Variants in MYOF observed in about 807,000 individuals in gnomAD.
The protein encoded by MYOF is myoferlin.
MYOF carries 244 observed loss-of-function variants against 284.2 expected under a neutral mutation model. That is an observed-to-expected ratio of 0.86 (90% CI 0.77 to 0.95). The LOEUF (loss-of-function observed/expected upper bound fraction) is 0.95, where lower values mean the gene tolerates loss of function less well. Among genes scored for constraint, MYOF ranks in the 40% least tolerant of loss-of-function variants. The pLI is 0.00. For synonymous variants in MYOF, 904 were observed against 919.7 expected, an observed-to-expected ratio of 0.98 and a Z score of 0.31; for missense variants, 2,496 against 2,560.6, an observed-to-expected ratio of 0.97 and a Z score of 0.54.
At chr10:93,401,309 G>T in intron 12 of MYOF, 109 bp downstream of exon 12, 1 of 1,459,618 alleles carries the variant, frequency 6.9e-7, no homozygotes, top group East Asian at 2.3e-5. Flanking sequence ...AGCCCTTTCA[G>T]AAGAAAAACA....
At chr10:93,354,693 CTCTCTCTCTT>C (rs1418823977) in intron 31 of MYOF, among the ~76,000 whole-genome samples, 1 of 151,840 alleles carries the variant, frequency 6.6e-6, no homozygotes, top group African/African-American at 2.4e-5. Context: ...CTCTCTCTCT[CTCTCTCTCTT>C]TGTGAGATAG....
At chr10:93,399,597 G>A in intron 12 of MYOF, 102 bp from the exon 13 acceptor site, 1 of 741,918 alleles carries the variant, frequency 1.3e-6, no homozygotes, top group Non-Finnish European at 2.2e-6. Flanking sequence ...CAACAGGCTA[G>A]GCGCAGTGGC....
chr10:93,320,039 A>G, intron 48 of MYOF, 26 bp from the exon 49 acceptor site: 1 of 1,612,580 alleles, frequency 6.2e-7, no homozygotes, highest in South Asian at 1.1e-5. Flanking sequence ...AAACAGACTT[A>G]GCTTCACGTG....
At chr10:93,333,699 T>C in intron 42 of MYOF, 59 bp downstream of exon 42, 1 of 1,584,456 alleles carries the variant, frequency 6.3e-7, no homozygotes, top group Non-Finnish European at 8.6e-7. Flanking sequence ...TGACAATTAT[T>C]GTGGCTGATG....
chr10:93,420,694 C>G (rs1848322425), intron 5 of MYOF, among the ~76,000 whole-genome samples: 1 of 152,318 alleles, frequency 6.6e-6, no homozygotes, highest in South Asian at 2.1e-4. Context: ...CCTTTAAAAT[C>G]AATAGCAGAA....
intron 45 of MYOF, among the ~76,000 whole-genome samples, chr10:93,327,422 T>C (rs1371169649): frequency 6.6e-6 from 1 of 152,076 alleles, no homozygotes; most frequent in South Asian, 2.1e-4. Flanking sequence ...TATACTCTTG[T>C]GGCACAAGCT....
chr10:93,467,259 G>A (rs1370011958), intron 1 of MYOF, among the ~76,000 whole-genome samples: 1 of 151,416 alleles, frequency 6.6e-6, no homozygotes, highest in African/African-American at 2.4e-5. Flanking sequence ...TTGGTGTGCT[G>A]CACCCATTAA....
intron 32 of MYOF, among the ~76,000 whole-genome samples, chr10:93,353,042 T>C (rs1844598673): frequency 6.6e-6 from 1 of 152,134 alleles, no homozygotes; most frequent in Non-Finnish European, 1.5e-5. Flanking sequence ...AATAAAAAAG[T>C]GCAGCTCGCT....
intron 32 of MYOF, among the ~76,000 whole-genome samples, chr10:93,353,123 T>C (rs1056854286): frequency 1.3e-5 from 2 of 152,178 alleles, no homozygotes; most frequent in African/African-American, 4.8e-5. Flanking sequence ...CCAGGGAAAC[T>C]CTGCTGGGCT....
At chr10:93,403,995 T>A in intron 9 of MYOF, 28 bp downstream of exon 9, 1 of 1,608,978 alleles carries the variant, frequency 6.2e-7, no homozygotes, top group Middle Eastern at 1.7e-4. Flanking sequence ...TTTCTGTAAG[T>A]TGAATGAAGC....
chr10:93,360,000 G>A (rs747179174), intron 28 of MYOF, 22 bp from the exon 29 acceptor site: 4 of 1,614,014 alleles, frequency 2.5e-6, no homozygotes, highest in South Asian at 1.1e-5. Context: ...TTTGTGAATG[G>A]TTACCCAGAA....
intron 6 of MYOF, 62 bp downstream of exon 6, chr10:93,409,511 A>G (rs1305272234): frequency 5.7e-6 from 9 of 1,567,840 alleles, no homozygotes; most frequent in Non-Finnish European, 7.8e-6. Context: ...CATCACTGCA[A>G]TTGCCAGAAG....
At position 93,316,840 on chromosome 10, in the gene MYOF, A is replaced by C. The variant is rs759943740; in HGVS notation, c.5599-27T>G. The C allele has an allele frequency of 3.2e-5, 50 of 1,580,972 alleles. No homozygotes were observed. The South Asian group carries it at 5.4e-4, about 17-fold the overall frequency. Reference sequence around the variant, plus strand: ...TAAAACAAAAAGAAACATGATCATGATGACTCTGAAACACTCACCTTTGGC... The same window carrying C: ...TAAAACAAAAAGAAACATGATCATGCTGACTCTGAAACACTCACCTTTGGC... On this transcript the variant is annotated intron_variant, in intron 49 of 53. Coordinates refer to ENST00000359263, the MANE Select transcript of MYOF (RefSeq NM_013451.4).
intron 17 of MYOF, among the ~76,000 whole-genome samples, chr10:93,389,777 C>A (rs1846586744): frequency 6.6e-6 from 1 of 152,136 alleles, no homozygotes; most frequent in Admixed American, 6.5e-5. Context: ...AGCAAGACAA[C>A]TCCTCAATGA....
At chr10:93,464,553 C>T (rs1246813535) in intron 1 of MYOF, among the ~76,000 whole-genome samples, 1 of 152,184 alleles carries the variant, frequency 6.6e-6, no homozygotes, top group Non-Finnish European at 1.5e-5. Context: ...ACTGAACTTT[C>T]ATATCTGTGA....
intron 24 of MYOF, among the ~76,000 whole-genome samples, chr10:93,371,799 CTG>C (rs1845604817): frequency 6.6e-6 from 1 of 152,076 alleles, no homozygotes; most frequent in Admixed American, 6.5e-5. Context: ...GCTCCCTAAA[CTG>C]TGTAATGAGT....
chr10:93,334,992 A>G (rs1176590186), intron 41 of MYOF, among the ~76,000 whole-genome samples: 1 of 152,228 alleles, frequency 6.6e-6, no homozygotes, highest in Non-Finnish European at 1.5e-5. Context: ...GCGTGGTTGC[A>G]GGGAGGGGCA....
intron 24 of MYOF, among the ~76,000 whole-genome samples, chr10:93,371,946 C>A (rs1195219618): frequency 1.3e-5 from 2 of 152,166 alleles, no homozygotes; most frequent in Non-Finnish European, 2.9e-5. Context: ...ATTTATTAAT[C>A]AGTTTGCTTC....
In MYOF at chr10:93,404,220, C is replaced by A. The variant is rs1847439778; in HGVS notation, c.730-1G>T. 2 of 1,613,824 alleles carry A rather than the reference C, an allele frequency of 1.2e-6. No individual in the cohort carries two copies. Among genetic ancestry groups the A allele is most frequent in the Non-Finnish European group, 1.7e-6 (2 of 1,179,924 alleles). ...TCATGTTGACATTGTAGAAAAACAA[C>A]TGCCAAAACAATAGAGCAGATGTTT... is the stretch of plus-strand genomic sequence containing the variant. On this transcript the variant is annotated splice_acceptor_variant, in intron 7 of 53. Coordinates refer to ENST00000359263, the MANE Select transcript of MYOF (RefSeq NM_013451.4). LOFTEE classifies it high-confidence loss of function.
Sources: gnomAD v4.1 joint callset for allele counts (sites outside exome capture counted in the v4.1 genomes callset) on GRCh38, gnomAD v4.1.1 for gene constraint, MANE v1.5 for transcripts, NCBI Gene and HGNC (gene_info 2026-07-23, HGNC 2026-07-21) for gene names.